SAMD4B: variants seen among roughly 807,000 people sequenced by gnomAD.
SAMD4B encodes protein Smaug homolog 2.
In SAMD4B, 5 loss-of-function variants were observed where a neutral mutation model predicts 74.5. The ratio of observed to expected loss-of-function variants is 0.07; its 90% confidence interval spans 0.04 to 0.14. SAMD4B has a LOEUF of 0.14. SAMD4B is among the 10% of genes least tolerant of loss of function. The probability of loss-of-function intolerance (pLI) is 1.00; values close to 1 mark genes in which losing one functional copy is unlikely to be tolerated. For synonymous variants in SAMD4B, 373 were observed against 374.9 expected (o/e 1.00, Z 0.06); for missense variants, 608 against 921.8 (o/e 0.66, Z 4.41).
At position 39,378,459 on chromosome 19, in the gene SAMD4B, G is replaced by T; in HGVS notation, c.1445-45G>T. 6.4e-7 allele frequency: 1 copy of T among 1,562,984 alleles called. No homozygotes were observed. The highest frequency in any genetic ancestry group is 1.1e-5 in the South Asian group (1 of 89,946). ...AGCTGGAGGCTGGAACATGGCAGAG[G>T]GCATACTAGGGGTTAACCTCCTGCC... On this transcript the variant is annotated intron_variant, in intron 8 of 13. Coordinates refer to ENST00000610417, the MANE Select transcript of SAMD4B (RefSeq NM_001384574.2). This position sits in a 1 kb window ranked among gnomAD's most constrained non-coding sequence, Gnocchi z 4.4.
chr19:39,385,951 A>C (rs771271875), downstream of SAMD4B: 14 of 1,608,514 alleles, frequency 8.7e-6, no homozygotes, highest in Non-Finnish European at 1.2e-5. Flanking sequence ...TTTGCTGCTC[A>C]CAATAATGGT....
At chr19:39,351,812 C>T (rs1388802293) in intron 1 of SAMD4B, 1 of 152,096 alleles carries the variant, frequency 6.6e-6, no homozygotes, top group Non-Finnish European at 1.5e-5. Flanking sequence ...ACTTATTTTC[C>T]TTAGTAGTTC....
At chr19:39,377,934 T>C (rs1203805379) in intron 8 of SAMD4B, 110 bp downstream of exon 8, 2 of 1,052,558 alleles carry the variant, frequency 1.9e-6, no homozygotes, top group African/African-American at 3.2e-5. Context: ...TTGTAAAGCC[T>C]ACTGGAGACT....
chr19:39,385,448 AGT>A lies in SAMD4B; in HGVS notation c.*1925_*1926del, dbSNP rs2078223101. On this transcript the variant is annotated 3_prime_UTR_variant, in exon 14 of 14. Transcript: ENST00000610417. The stretch of plus-strand genomic sequence containing the variant: ...TGCCCCCCACCCCACCTGACAGCAG[AGT>A]GTGCAGGACGCAGGCGGCCCCACTC... 2 of 417,410 alleles carry A rather than the reference AGT, an allele frequency of 4.8e-6. No homozygotes were observed. The highest frequency in any genetic ancestry group is 8.5e-6 in the Non-Finnish European group (2 of 236,128). 25.9% of individuals were successfully genotyped at this position (417,410 alleles called of 1,614,324 possible).
At chr19:39,359,630 C>G (rs2076534687) in intron 3 of SAMD4B, among the ~76,000 whole-genome samples, 2 of 152,176 alleles carry the variant, frequency 1.3e-5, no homozygotes, top group African/African-American at 4.8e-5. Context: ...CTCTGTACTC[C>G]CCTGTTACTC....
chr19:39,346,611 C>T (rs2075719108), intron 1 of SAMD4B, among the ~76,000 whole-genome samples: 2 of 152,164 alleles, frequency 1.3e-5, no homozygotes, highest in South Asian at 4.1e-4. Context: ...CCATTATCCT[C>T]ATTTTGCATA....
chr19:39,358,205 A>T (rs2076441568), intron 3 of SAMD4B, among the ~76,000 whole-genome samples: 1 of 152,184 alleles, frequency 6.6e-6, no homozygotes, highest in Non-Finnish European at 1.5e-5. Flanking sequence ...CGGGAGGCGG[A>T]GGTTGCAGTG....
In SAMD4B at chr19:39,385,595, CTG is replaced by C. The variant is rs780888292; in HGVS notation, c.*2070_*2071del. The C allele has an allele frequency of 7.9e-6, 4 of 507,340 alleles. No individual in the cohort carries two copies. The highest frequency in any genetic ancestry group is 3.1e-5 in the East Asian group (1 of 32,536). 31.4% of individuals were successfully genotyped at this position (507,340 alleles called of 1,614,324 possible). On this transcript the variant is annotated 3_prime_UTR_variant, in exon 14 of 14. Coordinates refer to ENST00000610417, the MANE Select transcript of SAMD4B (RefSeq NM_001384574.2). ...CACTGGCAGAATCAGCTTTGAGTAACTGTACAGTTTTTCTCGCTGTTGGAGAA... is the reference window on the plus strand; with the variant it reads ...CACTGGCAGAATCAGCTTTGAGTAACTACAGTTTTTCTCGCTGTTGGAGAA...
chr19:39,390,384 T>C (rs1440040360), downstream of SAMD4B: 2 of 1,129,860 alleles, frequency 1.8e-6, no homozygotes, highest in Non-Finnish European at 2.6e-6. Flanking sequence ...GTAGGAGGGG[T>C]GACAAATGCT....
At chr19:39,367,490 G>A (rs568126541) in intron 3 of SAMD4B, among the ~76,000 whole-genome samples, 5 of 141,422 alleles carry the variant, frequency 3.5e-5, no homozygotes, top group Non-Finnish European at 6.2e-5. Flanking sequence ...TGCTAATGAG[G>A]TTTTTTTTTT....
At chr19:39,358,846 T>G (rs1268535082) in intron 3 of SAMD4B, among the ~76,000 whole-genome samples, 1 of 152,182 alleles carries the variant, frequency 6.6e-6, no homozygotes, top group African/African-American at 2.4e-5. Context: ...GGATTGGGTT[T>G]TGGGGAGCCA....
intron 2 of SAMD4B, among the ~76,000 whole-genome samples, chr19:39,354,998 A>G (rs1308304382): frequency 4.0e-5 from 6 of 151,892 alleles, no homozygotes; most frequent in Non-Finnish European, 5.9e-5. Flanking sequence ...TCAGCCCCCC[A>G]AGTCACTGGG....
chr19:39,364,355 C>G (rs756856476), intron 3 of SAMD4B, among the ~76,000 whole-genome samples: 1 of 152,114 alleles, frequency 6.6e-6, no homozygotes, highest in Non-Finnish European at 1.5e-5. Context: ...CAGGCTGACT[C>G]GACTACTGGA....
chr19:39,344,319 A>G (rs1297975429), intron 1 of SAMD4B, among the ~76,000 whole-genome samples: 2 of 150,674 alleles, frequency 1.3e-5, no homozygotes, highest in Non-Finnish European at 3.0e-5. Flanking sequence ...CCTTCCCCAT[A>G]TACTCTTTTG....
chr19:39,385,211 T>A lies in SAMD4B; in HGVS notation c.*1684T>A. On this transcript the variant is annotated 3_prime_UTR_variant, in exon 14 of 14. Transcript: ENST00000610417. ...TGTGCCTTTGCTCATCCCCTCAATC[T>A]CCCAGGGCTTCTCCAGTCCCCCTCC... 1 of 211,446 alleles carries A rather than the reference T, an allele frequency of 4.7e-6. No individual in the cohort carries two copies. Among genetic ancestry groups the A allele is most frequent in the Non-Finnish European group, 9.3e-6 (1 of 107,986 alleles). 13.1% of individuals were successfully genotyped at this position (211,446 alleles called of 1,614,324 possible).
Position 39,383,215 on chromosome 19 carries a change from G to A in SAMD4B, c.1980G>A (p.Pro660=), listed in dbSNP as rs370063062. The part of the protein sequence containing the change: ...QAILMFPPDC[P]VPGPDLEINP... ...CTCCTCTCTCCCACCCAGACTGCCC[G>A]GTTCCTGGGCCTGACCTGGAGATCA... Residue 660 remains proline, a synonymous_variant, in exon 13 of 14, where the codon CCG becomes CCA. Transcript: ENST00000610417. The surrounding 1 kb of genome is among the most constrained non-coding windows in gnomAD (Gnocchi z 4.1). The A allele has an allele frequency of 4.0e-5, 65 of 1,613,912 alleles. 1 individual carries two copies. Among genetic ancestry groups the A allele is most frequent in the Non-Finnish European group, 5.2e-5 (61 of 1,179,986 alleles).
At chr19:39,352,896 C>A (rs2076133969) in intron 1 of SAMD4B, among the ~76,000 whole-genome samples, 1 of 152,076 alleles carries the variant, frequency 6.6e-6, no homozygotes, top group Non-Finnish European at 1.5e-5. Context: ...TATATCAAAC[C>A]TCCTGTCACA....
At chr19:39,390,382 G>A, downstream of SAMD4B, 4 of 1,085,482 alleles carry the variant, frequency 3.7e-6, no homozygotes, top group Non-Finnish European at 4.0e-6. Context: ...AGGTAGGAGG[G>A]GTGACAAATG....
At chr19:39,370,262 G>A in intron 4 of SAMD4B, 137 bp downstream of exon 4, 1 of 815,224 alleles carries the variant, frequency 1.2e-6, no homozygotes, top group Non-Finnish European at 2.0e-6. Flanking sequence ...CAATGCAGAG[G>A]CTGTGAACTG....
Sources: allele counts gnomAD v4.1 joint callset (sites outside exome capture counted in the v4.1 genomes callset), GRCh38; gene constraint gnomAD v4.1.1; non-coding constraint Gnocchi (gnomAD v3.1); transcripts MANE v1.5; gene names NCBI Gene and HGNC (gene_info 2026-07-23, HGNC 2026-07-21).